FANCD2: variants seen among roughly 807,000 people sequenced by gnomAD.
FANCD2 encodes the protein FA complementation group D2.
FANCD2 carries 131 observed loss-of-function variants against 192.3 expected under a neutral mutation model. The ratio of observed to expected loss-of-function variants is 0.68; its 90% confidence interval spans 0.59 to 0.79. The LOEUF (loss-of-function observed/expected upper bound fraction) is 0.79. FANCD2 is among the 30% of genes least tolerant of loss of function. FANCD2 has a pLI of 0.00. For synonymous variants in FANCD2, 524 were observed against 612.5 expected, an observed-to-expected ratio of 0.86 and a Z score of 2.13; for missense variants, 1,508 against 1,701.6, an observed-to-expected ratio of 0.89 and a Z score of 2.00.
rs186457997 is a variant in FANCD2, at chr3:10,031,299, T to C, written c.65-1533T>C. Among the ~76,000 whole-genome samples, 1,334 of 152,102 alleles carry C rather than the reference T, an allele frequency of 8.8e-3. 6 individuals carry two copies. The highest frequency in any genetic ancestry group is 9.9e-3 in the Non-Finnish European group (672 of 67,978). On this transcript the variant is annotated intron_variant, in intron 2 of 43. Transcript: ENST00000675286. ...CGGGCAGATCACGAGGTCAGGAGAT[T>C]GAGACCATCTTGGCTAACATGGTGA...
Position 10,101,294 on chromosome 3 carries a change from C to G in FANCD2, c.*32C>G, listed in dbSNP as rs201330931. On this transcript the variant is annotated 3_prime_UTR_variant, in exon 44 of 44. Transcript: ENST00000675286. ...GATAAATTGTTGCCTGCTTCTGTGT[C>G]TCTGCCAGCCTGTGATCATTTTGTG... 365 of 1,461,584 alleles carry G rather than the reference C, an allele frequency of 2.5e-4. No homozygotes were observed. Among genetic ancestry groups the G allele is most frequent in the Non-Finnish European group, 3.2e-4 (336 of 1,041,262 alleles). 90.5% of individuals were successfully genotyped at this position (1,461,584 alleles called of 1,614,324 possible).
At position 10,048,068 on chromosome 3, in the gene FANCD2, A is replaced by G; in HGVS notation, c.1413+17A>G. 1 of 1,614,174 alleles carries G rather than the reference A, an allele frequency of 6.2e-7. No individual in the cohort carries two copies. Among genetic ancestry groups the G allele is most frequent in the South Asian group, 1.1e-5 (1 of 91,088 alleles). On this transcript the variant is annotated intron_variant, in intron 16 of 43. Transcript: ENST00000675286. ...TGCCAGCAGGTATGTTGAAACATTT[A>G]TTTTGGCAAGGAGGGAACACAGAAA... is the stretch of plus-strand genomic sequence containing the variant.
Position 10,043,814 on chromosome 3 carries a change from C to T in FANCD2, c.1099-15C>T, listed in dbSNP as rs774028340. ...TGTGTCATAATATTTTTGTGACTCTCTCCTGTTTTTTCAGGCAATTGAAAA... is the reference window on the plus strand; with the variant it reads ...TGTGTCATAATATTTTTGTGACTCTTTCCTGTTTTTTCAGGCAATTGAAAA... On this transcript the variant is annotated splice_polypyrimidine_tract_variant and intron_variant, in intron 13 of 43. Transcript: ENST00000675286. 19 of 1,612,990 alleles carry T rather than the reference C, an allele frequency of 1.2e-5. No individual in the cohort carries two copies. The highest frequency in any genetic ancestry group is 1.4e-5 in the Non-Finnish European group (17 of 1,179,126).
chr3:10,032,802 C>T, intron 2 of FANCD2, 30 bp from the exon 3 acceptor site: 1 of 1,594,528 alleles, frequency 6.3e-7, no homozygotes, highest in Non-Finnish European at 8.6e-7. Context: ...TTACTATTTG[C>T]CATATTCTTG....
chr3:10,064,220 CA>C, intron 21 of FANCD2, 135 bp from the exon 22 acceptor site: 1 of 824,920 alleles, frequency 1.2e-6, no homozygotes, highest in Non-Finnish European at 2.1e-6. Flanking sequence ...TTCTACTTCA[CA>C]ATAGTGAGAT....
chr3:10,045,320 C>T (rs528271200), intron 14 of FANCD2, among the ~76,000 whole-genome samples: 2 of 151,960 alleles, frequency 1.3e-5, no homozygotes, highest in African/African-American at 4.8e-5. Context: ...AGGCACCTGC[C>T]ACCACGCCCG....
chr3:10,092,500 C>T (rs1425400759), intron 38 of FANCD2, among the ~76,000 whole-genome samples: 2 of 150,666 alleles, frequency 1.3e-5, no homozygotes, highest in Non-Finnish European at 2.9e-5. Context: ...CTCCTTCCAT[C>T]TGTAATTCCC....
At chr3:10,054,510 G>A (rs1202849392) in intron 18 of FANCD2, among the ~76,000 whole-genome samples, 6 of 74,750 alleles carry the variant, frequency 8.0e-5, no homozygotes, top group Non-Finnish European at 1.4e-4. Flanking sequence ...TTGAGATGGA[G>A]TCTCGCACTG....
intron 20 of FANCD2, among the ~76,000 whole-genome samples, chr3:10,062,663 G>A (rs992040611): frequency 6.6e-6 from 1 of 152,130 alleles, no homozygotes; most frequent in African/African-American, 2.4e-5. Context: ...TACTTCTGTG[G>A]TTTTCTGACA....
chr3:10,066,793 C>T (rs1264012430), intron 25 of FANCD2, among the ~76,000 whole-genome samples: 5 of 152,108 alleles, frequency 3.3e-5, no homozygotes, highest in Non-Finnish European at 5.9e-5. Flanking sequence ...GGCTCAATCT[C>T]GGCTCACTGC....
intron 32 of FANCD2, among the ~76,000 whole-genome samples, chr3:10,085,040 CA>C (rs1446733393): frequency 1.3e-5 from 2 of 152,220 alleles, no homozygotes; most frequent in African/African-American, 4.8e-5. Flanking sequence ...AAAGGTAATC[CA>C]AAGATAGAAA....
intron 6 of FANCD2, among the ~76,000 whole-genome samples, 161 bp downstream of exon 6, chr3:10,035,394 A>G (rs1443668359): frequency 1.3e-5 from 2 of 152,088 alleles, no homozygotes; most frequent in Non-Finnish European, 2.9e-5. Context: ...TTGGTAGGGT[A>G]ATGTCTGTGT....
chr3:10,065,281 T>C, intron 23 of FANCD2, 113 bp from the exon 24 acceptor site: 1 of 793,238 alleles, frequency 1.3e-6, no homozygotes. Context: ...AGAGCAAGAC[T>C]CTGTCTCAAA....
chr3:10,062,151 A>G lies in FANCD2; in HGVS notation c.1767A>G (p.Arg589=). ...VTMAGIMAAD[R]SESPSLTQER... ...TTAAAAAAAAATTCTTTGTTTTTAGAAGTGAATCACCTAGTTTGACCCAAG... is the reference window on the plus strand; with the variant it reads ...TTAAAAAAAAATTCTTTGTTTTTAGGAGTGAATCACCTAGTTTGACCCAAG... The change falls in exon 20 of 44, where the codon AGA becomes AGG. Residue 589 remains arginine, a splice_region_variant and synonymous_variant. Transcript: ENST00000675286. 6.2e-7 allele frequency: 1 copy of G among 1,610,200 alleles called. No homozygotes were observed. Among genetic ancestry groups the G allele is most frequent in the East Asian group, 2.2e-5 (1 of 44,850 alleles).
intron 43 of FANCD2, 38 bp from the exon 44 acceptor site, chr3:10,101,150 A>C (rs1695275358): frequency 6.7e-7 from 1 of 1,485,136 alleles, no homozygotes; most frequent in East Asian, 2.3e-5. Flanking sequence ...CCAGAGCAGT[A>C]ACCTAAAATG....
chr3:10,054,715 C>G (rs1241646292), intron 18 of FANCD2, among the ~76,000 whole-genome samples: 1 of 150,744 alleles, frequency 6.6e-6, no homozygotes, highest in African/African-American at 2.4e-5. Context: ...GATCTCCTGA[C>G]CTCATGATCC....
Position 10,098,709 on chromosome 3 carries a change from T to C in FANCD2, c.4186-11T>C. 1 of 1,614,122 alleles carries C rather than the reference T, an allele frequency of 6.2e-7. No individual in the cohort carries two copies. The highest frequency in any genetic ancestry group is 1.1e-5 in the South Asian group (1 of 91,080). On this transcript the variant is annotated splice_polypyrimidine_tract_variant and intron_variant, in intron 42 of 43. Coordinates refer to ENST00000675286, the MANE Select transcript of FANCD2 (RefSeq NM_001018115.3). The stretch of plus-strand genomic sequence containing the variant: ...TATAACCCACCATTTTCTTGGTCCA[T>C]TCACATTTAGGGTGAAGAGATTAAG...
At chr3:10,090,442 GA>G in intron 37 of FANCD2, 57 bp downstream of exon 37, 44 of 411,074 alleles carry the variant, frequency 1.1e-4, no homozygotes, top group Non-Finnish European at 1.5e-4. Flanking sequence ...GGAAGTTGCT[GA>G]TTTTTTTTTT....
At position 10,097,472 on chromosome 3, in the gene FANCD2, G is replaced by T. The variant is rs112838104; in HGVS notation, c.4185+1000G>T. Among the ~76,000 whole-genome samples the T allele has an allele frequency of 1.4e-4, 22 of 152,296 alleles. 1 individual carries two copies. The highest frequency in any genetic ancestry group is 4.6e-4 in the African/African-American group (19 of 41,548). On this transcript the variant is annotated intron_variant, in intron 42 of 43. Transcript: ENST00000675286. ...CAGGGACGTTCCATGCTGAGAAAAAGAATTCAGTGATATTTCTCCCATTTG... is the reference window on the plus strand; with the variant it reads ...CAGGGACGTTCCATGCTGAGAAAAATAATTCAGTGATATTTCTCCCATTTG...
Sources: gnomAD v4.1 joint callset for allele counts (sites outside exome capture counted in the v4.1 genomes callset) on GRCh38, gnomAD v4.1.1 for gene constraint, MANE v1.5 for transcripts, NCBI Gene and HGNC (gene_info 2026-07-23, HGNC 2026-07-21) for gene names.